The following SLC26A3 variants were observed in gnomAD, a reference collection of about 807,000 sequenced individuals.
The protein encoded by SLC26A3 is chloride anion exchanger.
SLC26A3 carries 64 observed loss-of-function variants against 85.6 expected under a neutral mutation model. The observed-to-expected ratio is 0.75, with a 90% CI of 0.61 to 0.92. The LOEUF (loss-of-function observed/expected upper bound fraction) is 0.92, where lower values mean the gene tolerates loss of function less well. SLC26A3 is among the 40% of genes least tolerant of loss of function. SLC26A3 has a pLI of 0.00. For synonymous variants in SLC26A3, 349 were observed against 336.0 expected, an observed-to-expected ratio of 1.04 and a Z score of -0.42; for missense variants, 922 against 927.3, an observed-to-expected ratio of 0.99 and a Z score of 0.07.
chr7:107,776,740 T>C lies in SLC26A3; in HGVS notation c.1515-34A>G, dbSNP rs200449033. Reference sequence around the variant, plus strand: ...AGAAAAACACCAAGTAAATCATTCATGTATGTTTGTTAAGCCTATAAGGCT... The same window carrying C: ...AGAAAAACACCAAGTAAATCATTCACGTATGTTTGTTAAGCCTATAAGGCT... On this transcript the variant is annotated intron_variant, in intron 13 of 20. Transcript: ENST00000340010. The C allele has an allele frequency of 5.1e-5, 81 of 1,595,826 alleles. 1 individual carries two copies. In the East Asian group the frequency reaches 7.6e-4, roughly 15 times the overall value.
chr7:107,787,323 G>A (rs1794314074), intron 7 of SLC26A3, 34 bp downstream of exon 7: 1 of 1,610,238 alleles, frequency 6.2e-7, no homozygotes, highest in Non-Finnish European at 8.5e-7. Flanking sequence ...AAACAGTAGA[G>A]TAGCTATGAC....
intron 11 of SLC26A3, among the ~76,000 whole-genome samples, chr7:107,781,425 G>A (rs1794213524): frequency 6.6e-6 from 1 of 152,140 alleles, no homozygotes; most frequent in African/African-American, 2.4e-5. Context: ...AAGGGGCTTT[G>A]ATTAAATCTT....
In SLC26A3 at chr7:107,780,084, T is replaced by C. The variant is rs148407873; in HGVS notation, c.1312-321A>G. ...CCTTCAGACCTATGACAGACTAACA[T>C]TTGGAATAAATTCCTCCCAAGCAGA... is the stretch of plus-strand genomic sequence containing the variant. On this transcript the variant is annotated intron_variant, in intron 11 of 20. Coordinates refer to ENST00000340010, the MANE Select transcript of SLC26A3 (RefSeq NM_000111.3). 4.4e-3 allele frequency among the ~76,000 whole-genome samples: 670 copies of C among 151,842 alleles called. 7 individuals carry two copies. The highest frequency in any genetic ancestry group is 0.016 in the African/African-American group (642 of 41,400).
At chr7:107,791,800 G>A (rs1357524565) in intron 4 of SLC26A3, 30 bp downstream of exon 4, 6 of 1,334,290 alleles carry the variant, frequency 4.5e-6, no homozygotes, top group South Asian at 1.2e-5. Flanking sequence ...AAAACAATGT[G>A]AGCATTAATC....
intron 17 of SLC26A3, among the ~76,000 whole-genome samples, chr7:107,773,083 A>C (rs868093566): frequency 1.3e-5 from 2 of 152,232 alleles, no homozygotes; most frequent in East Asian, 3.8e-4. Context: ...TTTTAGAAAT[A>C]TGATTAATCT....
intron 17 of SLC26A3, among the ~76,000 whole-genome samples, chr7:107,773,638 C>T (rs1794061269): frequency 6.6e-6 from 1 of 152,200 alleles, no homozygotes; most frequent in African/African-American, 2.4e-5. Context: ...GCAATTGCCA[C>T]CTCCCAGGTT....
At chr7:107,768,726 T>C (rs1306330480) in intron 18 of SLC26A3, among the ~76,000 whole-genome samples, 2 of 152,264 alleles carry the variant, frequency 1.3e-5, no homozygotes. Flanking sequence ...TCATGTACTA[T>C]GAAAATTCTG....
At chr7:107,794,001 C>T (rs139228013) in intron 2 of SLC26A3, 120 bp from the exon 3 acceptor site, 6 of 1,294,692 alleles carry the variant, frequency 4.6e-6, no homozygotes, top group Non-Finnish European at 4.4e-6. Flanking sequence ...ATTTCACTCC[C>T]AGTAACATTC....
At position 107,773,984 on chromosome 7, in the gene SLC26A3, C is replaced by CT; in HGVS notation, c.1942dup (p.Ser648LysfsTer5). The stretch of plus-strand genomic sequence containing the variant: ...CACTGCTGAAAAGTCAAGAATGAGG[C>CT]TGTGGAGGCTGATTTTGGGGACCTC... On this transcript the variant is annotated frameshift_variant, in exon 17 of 21. Coordinates refer to ENST00000340010, the MANE Select transcript of SLC26A3 (RefSeq NM_000111.3). LOFTEE classifies it high-confidence loss of function. 6.2e-7 allele frequency: 1 copy of CT among 1,614,088 alleles called. No homozygotes were observed. Among genetic ancestry groups the CT allele is most frequent in the East Asian group, 2.2e-5 (1 of 44,890 alleles).
intron 1 of SLC26A3, among the ~76,000 whole-genome samples, chr7:107,802,742 C>CTTTTTTTT (rs35087147): frequency 5.9e-4 from 65 of 110,762 alleles, no homozygotes; most frequent in African/African-American, 1.8e-3. Flanking sequence ...TTAAAGCTTG[C>CTTTTTTTT]TTTTTTTTTT....
intron 18 of SLC26A3, among the ~76,000 whole-genome samples, chr7:107,769,811 C>G (rs1334020570): frequency 6.6e-6 from 1 of 152,086 alleles, no homozygotes; most frequent in Non-Finnish European, 1.5e-5. Flanking sequence ...ATTAAGGATG[C>G]CAATTTTATA....
At chr7:107,778,997 A>G (rs1253374791) in intron 12 of SLC26A3, among the ~76,000 whole-genome samples, 1 of 152,178 alleles carries the variant, frequency 6.6e-6, no homozygotes, top group African/African-American at 2.4e-5. Context: ...TCTCTTAAAA[A>G]AAAATCAGCA....
rs1165497947 is a variant in SLC26A3 at position 107,767,826 on chromosome 7, A to G, written c.2145T>C (p.Asp715=). The G allele has an allele frequency of 1.2e-6, 2 of 1,613,614 alleles. No homozygotes were observed. Among genetic ancestry groups the G allele is most frequent in the African/African-American group, 1.3e-5 (1 of 74,922 alleles). The change falls in exon 19 of 21, where the codon GAT becomes GAC. Residue 715 remains aspartate (D), a synonymous_variant. Coordinates refer to ENST00000340010, the MANE Select transcript of SLC26A3 (RefSeq NM_000111.3). The part of the protein sequence containing the change: ...KSSIFFLTIH[D]AVLHILMKKD... ...TCTTCATCAAAATATGCAAAACAGC[A>G]TCATGGATTGTTAAGAAAAATATTG...
At chr7:107,767,473 A>G (rs1793933620) in intron 20 of SLC26A3, 106 bp downstream of exon 20, 1 of 825,458 alleles carries the variant, frequency 1.2e-6, no homozygotes, top group South Asian at 1.4e-5. Flanking sequence ...CAGAGGCTCA[A>G]GCAAGTGCTG....
chr7:107,779,795 A>T, intron 11 of SLC26A3, 32 bp from the exon 12 acceptor site: 1 of 1,562,782 alleles, frequency 6.4e-7, no homozygotes, highest in Non-Finnish European at 8.8e-7. Flanking sequence ...GATGTACTTT[A>T]AGTTAATGAA....
At chr7:107,783,403 G>A in intron 8 of SLC26A3, 51 bp from the exon 9 acceptor site, 2 of 1,601,150 alleles carry the variant, frequency 1.2e-6, no homozygotes, top group South Asian at 2.2e-5. Context: ...TTTATAAACT[G>A]ATATAACCAT....
chr7:107,793,335 C>G (rs187341840), intron 3 of SLC26A3, among the ~76,000 whole-genome samples: 70 of 152,196 alleles, frequency 4.6e-4, no homozygotes, highest in African/African-American at 1.6e-3. Flanking sequence ...CAAGTGGAAA[C>G]AACTCAAATG....
intron 12 of SLC26A3, 123 bp from the exon 13 acceptor site, chr7:107,778,404 T>TA (rs1408705055): frequency 2.2e-5 from 14 of 649,466 alleles, no homozygotes; most frequent in East Asian, 5.7e-5. Flanking sequence ...CTTGTCCCTA[T>TA]AAAAAAAATT....
chr7:107,772,242 G>A, intron 17 of SLC26A3, 134 bp from the exon 18 acceptor site: 1 of 656,654 alleles, frequency 1.5e-6, no homozygotes, highest in Non-Finnish European at 2.7e-6. Context: ...AGAGATAATA[G>A]TGTCAGAAGA....
Sources: gnomAD v4.1 joint callset for allele counts (sites outside exome capture counted in the v4.1 genomes callset) on GRCh38, gnomAD v4.1.1 for gene constraint, MANE v1.5 for transcripts, NCBI Gene and HGNC (gene_info 2026-07-23, HGNC 2026-07-21) for gene names.